NTRK3: variants seen among roughly 807,000 people sequenced by gnomAD.
NTRK3 encodes the protein NT-3 growth factor receptor.
Under a neutral mutation model 91.7 loss-of-function variants are expected in NTRK3, and 24 were observed. The observed-to-expected ratio is 0.26, with a 90% CI of 0.19 to 0.37. NTRK3 has a LOEUF of 0.37. Ranked by LOEUF, NTRK3 falls within the 10% of genes least tolerant of loss-of-function variation. The probability of loss-of-function intolerance (pLI) is 1.00; values close to 1 mark genes in which losing one functional copy is unlikely to be tolerated. For missense variants in NTRK3, 880 were observed against 1,068.9 expected, an observed-to-expected ratio of 0.82 and a Z score of 2.46; for synonymous variants, 483 against 404.0, an observed-to-expected ratio of 1.20 and a Z score of -2.34.
At chr15:87,871,044 G>C (rs534206124) in exon 19 of NTRK3, 2 of 229,886 alleles carry the variant, frequency 8.7e-6, no homozygotes, top group African/African-American at 4.4e-5. Flanking sequence ...ACTGGGTCTT[G>C]TTTTAAATTT....
At chr15:88,208,765 C>T (rs1177093963) in intron 3 of NTRK3, among the ~76,000 whole-genome samples, 1 of 152,226 alleles carries the variant, frequency 6.6e-6, no homozygotes, top group Non-Finnish European at 1.5e-5. Context: ...CCAGTGCTGG[C>T]TGCACATCAA....
chr15:87,993,203 C>T (rs1200073675), intron 14 of NTRK3, among the ~76,000 whole-genome samples: 1 of 152,060 alleles, frequency 6.6e-6, no homozygotes, highest in Non-Finnish European at 1.5e-5. Flanking sequence ...CATGGCCGTA[C>T]CATTTAGGAT....
intron 13 of NTRK3, among the ~76,000 whole-genome samples, chr15:88,052,769 T>G (rs1275349760): frequency 6.6e-6 from 1 of 152,052 alleles, no homozygotes; most frequent in Non-Finnish European, 1.5e-5. Flanking sequence ...GTGCAGAAGT[T>G]TGCTAGCACA....
intron 5 of NTRK3, among the ~76,000 whole-genome samples, chr15:88,177,401 G>A (rs2046097778): frequency 6.6e-6 from 1 of 152,098 alleles, no homozygotes; most frequent in Admixed American, 6.5e-5. Flanking sequence ...ATGATGACTT[G>A]GACCAAGACA....
intron 3 of NTRK3, among the ~76,000 whole-genome samples, chr15:88,224,039 C>T (rs1051126951): frequency 3.3e-5 from 5 of 152,208 alleles, no homozygotes; most frequent in East Asian, 1.9e-4. Flanking sequence ...TAGGAAGGCC[C>T]GGGGCCGGAG....
rs1403852907 is a variant in NTRK3, at chr15:87,912,929, AAAATATATATATATATATATATAT to A, written c.2133+16238_2133+16261del. Among the ~76,000 whole-genome samples, 35 of 15,092 alleles carry A rather than the reference AAAATATATATATATATATATATAT, an allele frequency of 2.3e-3. 1 individual carries two copies. Among genetic ancestry groups the A allele is most frequent in the African/African-American group, 6.2e-3 (23 of 3,732 alleles). The allele number at this position is 15,092 out of a possible 152,430, so 9.9% of individuals were successfully genotyped here. ...TGTTCAACTTTTCAAAAAGTAAAAA[AAAATATATATATATATATATATAT>A]ATATATATATATATATATATGCTTC... On this transcript the variant is annotated intron_variant, in intron 17 of 18. Transcript: ENST00000394480.
At chr15:88,033,139 C>T in intron 13 of NTRK3, 94 bp from the exon 14 acceptor site, 1 of 1,065,924 alleles carries the variant, frequency 9.4e-7, no homozygotes, top group Non-Finnish European at 1.3e-6. Flanking sequence ...CTGTTCCCAT[C>T]ACAAACATTT....
chr15:88,067,946 C>T (rs577232200), intron 13 of NTRK3, among the ~76,000 whole-genome samples: 1 of 152,236 alleles, frequency 6.6e-6, no homozygotes, highest in East Asian at 1.9e-4. Flanking sequence ...TGTTGTTATA[C>T]CTTTTACAGC....
chr15:88,017,507 G>A (rs1237733919), intron 14 of NTRK3, among the ~76,000 whole-genome samples: 1 of 152,332 alleles, frequency 6.6e-6, no homozygotes, highest in South Asian at 2.1e-4. Flanking sequence ...AAATAAAAGG[G>A]AGAATCCAGA....
intron 13 of NTRK3, among the ~76,000 whole-genome samples, chr15:88,120,161 C>T (rs1026086998): frequency 6.6e-6 from 1 of 152,172 alleles, no homozygotes; most frequent in Admixed American, 6.5e-5. Flanking sequence ...TTCCCTTAGA[C>T]AACCGGTGAA....
chr15:88,170,247 T>C (rs1418782870), intron 5 of NTRK3, among the ~76,000 whole-genome samples: 1 of 152,222 alleles, frequency 6.6e-6, no homozygotes, highest in Non-Finnish European at 1.5e-5. Context: ...GCAGGGGGAA[T>C]GCTTGTTTCA....
chr15:87,884,693 A>G (rs1439984321), intron 17 of NTRK3, among the ~76,000 whole-genome samples: 1 of 151,770 alleles, frequency 6.6e-6, no homozygotes, highest in East Asian at 1.9e-4. Context: ...AGAATGTCTC[A>G]ACCTTGGGGA....
chr15:88,092,836 C>A (rs1216093788), intron 13 of NTRK3, among the ~76,000 whole-genome samples: 1 of 152,174 alleles, frequency 6.6e-6, no homozygotes, highest in Non-Finnish European at 1.5e-5. Flanking sequence ...GTCTCACTGC[C>A]TTCTCTGTGC....
chr15:88,192,732 C>T (rs920524011), intron 3 of NTRK3, among the ~76,000 whole-genome samples: 1 of 152,092 alleles, frequency 6.6e-6, no homozygotes, highest in Non-Finnish European at 1.5e-5. Flanking sequence ...TGCTTCTGGT[C>T]TTTAAATATG....
At chr15:87,863,186 G>A (rs903371750) in exon 19 of NTRK3, 2 of 228,778 alleles carry the variant, frequency 8.7e-6, no homozygotes, top group African/African-American at 2.2e-5. Context: ...TTTGTTAGGA[G>A]GTCAAGAATG....
chr15:88,002,116 T>C (rs889629785), intron 14 of NTRK3, among the ~76,000 whole-genome samples: 9 of 151,292 alleles, frequency 5.9e-5, no homozygotes, highest in African/African-American at 2.2e-4. Context: ...AGGATGATAA[T>C]GTTGGCCAGG....
At chr15:88,087,058 C>T (rs1317317910) in intron 13 of NTRK3, among the ~76,000 whole-genome samples, 1 of 152,182 alleles carries the variant, frequency 6.6e-6, no homozygotes, top group East Asian at 1.9e-4. Flanking sequence ...AGCAGTGGAA[C>T]ACACACACAA....
chr15:88,219,932 A>C (rs1243617165), intron 3 of NTRK3, among the ~76,000 whole-genome samples: 1 of 152,184 alleles, frequency 6.6e-6, no homozygotes, highest in Non-Finnish European at 1.5e-5. Context: ...AAGAACTTGC[A>C]TCCAAACCCA....
At position 87,867,348 on chromosome 15, in the gene NTRK3, C is replaced by A. The variant is rs550302461; in HGVS notation, c.*9587G>T. 4.8e-5 allele frequency: 11 copies of A among 228,156 alleles called. No homozygotes were observed. In the South Asian group the frequency reaches 1.1e-3, roughly 23 times the overall value. The allele number at this position is 228,156 out of a possible 1,614,324, so 14.1% of individuals were successfully genotyped here. On this transcript the variant is annotated 3_prime_UTR_variant, in exon 19 of 19. Transcript: ENST00000394480. ...TGGCCTTAAAGGGTGGGGTGGGGAG[C>A]AGGGAATGGACAGCAAGTGTTCAGA...
Sources: allele counts gnomAD v4.1 joint callset (sites outside exome capture counted in the v4.1 genomes callset), GRCh38; gene constraint gnomAD v4.1.1; transcripts MANE v1.5; gene names NCBI Gene and HGNC (gene_info 2026-07-23, HGNC 2026-07-21).